CACNA1B: variants seen among roughly 807,000 people sequenced by gnomAD.
CACNA1B encodes calcium voltage-gated channel subunit alpha1 B.
Under a neutral mutation model 247.2 loss-of-function variants are expected in CACNA1B, and 70 were observed. The observed-to-expected ratio is 0.28, with a 90% CI of 0.23 to 0.35. The LOEUF (loss-of-function observed/expected upper bound fraction) is 0.35, where lower values mean the gene tolerates loss of function less well. Ranked by LOEUF, CACNA1B falls within the 10% of genes least tolerant of loss-of-function variation. The pLI is 1.00. For synonymous variants in CACNA1B, 1,231 were observed against 1,294.4 expected, an observed-to-expected ratio of 0.95 and a Z score of 1.05; for missense variants, 2,367 against 3,197.4, an observed-to-expected ratio of 0.74 and a Z score of 6.26.
In CACNA1B at chr9:138,051,019, A is replaced by G. The variant is rs551530883; in HGVS notation, c.3711-1073A>G. Among the ~76,000 whole-genome samples, 1 of 152,248 alleles carries G rather than the reference A, an allele frequency of 6.6e-6. No individual in the cohort carries two copies. The highest frequency in any genetic ancestry group is 1.9e-4 in the East Asian group (1 of 5,158). ...CCACCCCTAGAAGCAGGCCTTCCCC[A>G]GGGAGCGTGGTGGGACGTGGCCTCT... On this transcript the variant is annotated intron_variant, in intron 24 of 46. Coordinates refer to ENST00000371372, the MANE Select transcript of CACNA1B (RefSeq NM_000718.4). This position sits in a 1 kb window ranked among gnomAD's most constrained non-coding sequence, Gnocchi z 4.3.
chr9:138,055,713 A>G (rs1240994670), intron 26 of CACNA1B, among the ~76,000 whole-genome samples: 2 of 152,156 alleles, frequency 1.3e-5, no homozygotes, highest in Non-Finnish European at 1.5e-5. Context: ...AGTGTAATGG[A>G]TTTTTTAAAA....
At chr9:137,965,932 A>G (rs777527941) in intron 10 of CACNA1B, among the ~76,000 whole-genome samples, 9 of 152,180 alleles carry the variant, frequency 5.9e-5, no homozygotes, top group Non-Finnish European at 1.0e-4. Flanking sequence ...ACTTTTGTTT[A>G]TATATTTAGT....
chr9:138,102,762 G>A lies in CACNA1B; in HGVS notation c.5274G>A (p.Pro1758=), dbSNP rs368307029. ...DMFEMLKHMS[P]PLGLGKKCPA... is the part of the protein sequence containing the mutation. ...TTGAGATGCTGAAACACATGTCCCC[G>A]CCTCTGGGGCTGGGGAAGAAATGCC... Residue 1758 remains proline, a synonymous_variant, in exon 38 of 47, where the codon CCG becomes CCA. Transcript: ENST00000371372. This position sits in a 1 kb window ranked among gnomAD's most constrained non-coding sequence, Gnocchi z 5.4. The A allele has an allele frequency of 1.5e-5, 24 of 1,612,918 alleles. No homozygotes were observed. The highest frequency in any genetic ancestry group is 3.3e-5 in the Admixed American group (2 of 59,958).
intron 6 of CACNA1B, among the ~76,000 whole-genome samples, chr9:137,943,158 C>T (rs1349673122): frequency 6.6e-6 from 1 of 150,386 alleles, no homozygotes; most frequent in East Asian, 2.0e-4. Context: ...GTATTTAGAT[C>T]ATTAGTTAAA....
chr9:137,921,412 T>C (rs1172383510), intron 6 of CACNA1B, among the ~76,000 whole-genome samples: 20 of 135,926 alleles, frequency 1.5e-4, no homozygotes, highest in African/African-American at 2.5e-4. Context: ...TCGGAGAACA[T>C]GGTCAGCACC....
intron 3 of CACNA1B, among the ~76,000 whole-genome samples, chr9:137,896,706 C>T (rs1957177481): frequency 6.6e-6 from 1 of 152,192 alleles, no homozygotes; most frequent in Non-Finnish European, 1.5e-5. Flanking sequence ...GGAATTAGTT[C>T]TTTAATGTTT....
chr9:138,034,226 G>A (rs566945589), intron 20 of CACNA1B, among the ~76,000 whole-genome samples: 1 of 152,274 alleles, frequency 6.6e-6, no homozygotes, highest in African/African-American at 2.4e-5. Flanking sequence ...GGAAGAGATT[G>A]TCTCATTCCT....
intron 20 of CACNA1B, among the ~76,000 whole-genome samples, chr9:138,042,582 T>G (rs947615508): frequency 2.6e-5 from 4 of 152,276 alleles, no homozygotes; most frequent in Admixed American, 2.6e-4. Flanking sequence ...AAGTAAGTTT[T>G]GCCAGATTGC....
intron 6 of CACNA1B, among the ~76,000 whole-genome samples, chr9:137,922,128 A>G (rs1957492318): frequency 6.9e-6 from 1 of 144,902 alleles, no homozygotes; most frequent in Non-Finnish European, 1.5e-5. Flanking sequence ...GCATCCTGGG[A>G]GCAGAGTAAA....
intron 35 of CACNA1B, among the ~76,000 whole-genome samples, chr9:138,077,626 C>A (rs80145745): frequency 0.012 from 1,868 of 152,176 alleles, 32 homozygotes; most frequent in African/African-American, 0.042. Context: ...TAGCACAGGG[C>A]AGGTCATGGT....
At chr9:137,897,440 C>T (rs911402661) in intron 3 of CACNA1B, among the ~76,000 whole-genome samples, 4 of 151,834 alleles carry the variant, frequency 2.6e-5, no homozygotes, top group Non-Finnish European at 4.4e-5. Flanking sequence ...ATTAGCCAGG[C>T]GTGGTGACGG....
chr9:137,917,942 G>C lies in CACNA1B; in HGVS notation c.966+511G>C, dbSNP rs1010767994. Reference sequence around the variant, plus strand: ...CTCTAGGGTCTCTGTTGGAGTTGAGGGACAGTAGGGCTGCTGGGCCTCCCG... The same window carrying C: ...CTCTAGGGTCTCTGTTGGAGTTGAGCGACAGTAGGGCTGCTGGGCCTCCCG... On this transcript the variant is annotated intron_variant, in intron 6 of 46. Transcript: ENST00000371372. This position sits in a 1 kb window ranked among gnomAD's most constrained non-coding sequence, Gnocchi z 5.5. Among the ~76,000 whole-genome samples, 1 of 152,214 alleles carries C rather than the reference G, an allele frequency of 6.6e-6. No homozygotes were observed. The highest frequency in any genetic ancestry group is 1.5e-5 in the Non-Finnish European group (1 of 68,040).
chr9:138,046,869 G>A, intron 21 of CACNA1B, 35 bp from the exon 22 acceptor site: 1 of 1,599,718 alleles, frequency 6.3e-7, no homozygotes, highest in Non-Finnish European at 8.6e-7. Context: ...CGCCCGGCTG[G>A]GGGGCCTTGT....
At chr9:138,046,434 G>A (rs1315200445) in intron 21 of CACNA1B, among the ~76,000 whole-genome samples, 4 of 150,360 alleles carry the variant, frequency 2.7e-5, no homozygotes, top group Non-Finnish European at 5.9e-5. Context: ...CCTGCTCTCC[G>A]TGAGAATGTT....
rs571292458 is a variant in CACNA1B at position 137,992,190 on chromosome 9, C to T, written c.1974+5336C>T. Among the ~76,000 whole-genome samples, 34 of 152,280 alleles carry T rather than the reference C, an allele frequency of 2.2e-4. 1 individual carries two copies. Among genetic ancestry groups the T allele is most frequent in the African/African-American group, 6.7e-4 (28 of 41,564 alleles). On this transcript the variant is annotated intron_variant, in intron 15 of 46. Transcript: ENST00000371372. Reference sequence around the variant, plus strand: ...TCACCAACCATGTTTCTGCTGTCTTCGGGAGACTCACCTAACACATAAGGA... The same window carrying T: ...TCACCAACCATGTTTCTGCTGTCTTTGGGAGACTCACCTAACACATAAGGA...
Position 137,917,710 on chromosome 9 carries a change from A to T in CACNA1B, c.966+279A>T, listed in dbSNP as rs184715536. On this transcript the variant is annotated intron_variant, in intron 6 of 46. Coordinates refer to ENST00000371372, the MANE Select transcript of CACNA1B (RefSeq NM_000718.4). The surrounding 1 kb of genome is among the most constrained non-coding windows in gnomAD (Gnocchi z 5.5). ...AAGGCTGACTGGTGGAGGTCAGAGA[A>T]GAAAACTCCAGAGGAGATGCTGCTG... Among the ~76,000 whole-genome samples the T allele has an allele frequency of 1.8e-3, 275 of 152,366 alleles. No homozygotes were observed. Among genetic ancestry groups the T allele is most frequent in the Non-Finnish European group, 3.0e-3 (206 of 68,028 alleles).
At chr9:138,019,667 T>G (rs1470919223) in intron 18 of CACNA1B, among the ~76,000 whole-genome samples, 1 of 152,188 alleles carries the variant, frequency 6.6e-6, no homozygotes, top group Non-Finnish European at 1.5e-5. Context: ...AGTGCTTCCT[T>G]GCTGGCAGCC....
In CACNA1B at chr9:137,899,231, C is replaced by T. The variant is rs907271029; in HGVS notation, c.531-13949C>T. Among the ~76,000 whole-genome samples the T allele has an allele frequency of 6.6e-5, 10 of 151,794 alleles. No homozygotes were observed. The highest frequency in any genetic ancestry group is 1.5e-4 in the Non-Finnish European group (10 of 67,952). On this transcript the variant is annotated intron_variant, in intron 3 of 46. Coordinates refer to ENST00000371372, the MANE Select transcript of CACNA1B (RefSeq NM_000718.4). This position sits in a 1 kb window ranked among gnomAD's most constrained non-coding sequence, Gnocchi z 5.0. ...GCTTCTTGGGTAGCGGGATTACAGG[C>T]GCGCTCCACCATGCCAGGCTAATTT...
At position 138,053,937 on chromosome 9, in the gene CACNA1B, C is replaced by A; in HGVS notation, c.3899C>A (p.Ala1300Glu). Residue 1300 changes from alanine (A) to glutamate (E), a missense_variant, in exon 26 of 47, where the codon GCG (alanine) becomes GAG (glutamate). Coordinates refer to ENST00000371372, the MANE Select transcript of CACNA1B (RefSeq NM_000718.4). ...MLFMFIFAVI[A>E]VQLFKGKFFY... Reference sequence around the variant, plus strand: ...TTCATGTTCATATTTGCCGTCATTGCGGTGCAGCTCTTCAAAGGGAAGTTT... The same window carrying A: ...TTCATGTTCATATTTGCCGTCATTGAGGTGCAGCTCTTCAAAGGGAAGTTT... The A allele has an allele frequency of 6.2e-7, 1 of 1,613,474 alleles. No homozygotes were observed. The highest frequency in any genetic ancestry group is 8.5e-7 in the Non-Finnish European group (1 of 1,179,396).
Sources: allele counts gnomAD v4.1 joint callset (sites outside exome capture counted in the v4.1 genomes callset), GRCh38; gene constraint gnomAD v4.1.1; non-coding constraint Gnocchi (gnomAD v3.1); transcripts MANE v1.5; gene names NCBI Gene and HGNC (gene_info 2026-07-23, HGNC 2026-07-21).